SPOCK3: variants seen among roughly 807,000 people sequenced by gnomAD.
The protein encoded by SPOCK3 is testican-3.
SPOCK3 carries 30 observed loss-of-function variants against 56.6 expected under a neutral mutation model. The ratio of observed to expected loss-of-function variants is 0.53; its 90% CI spans 0.40 to 0.72. The LOEUF (loss-of-function observed/expected upper bound fraction) is 0.72. Among genes scored for constraint, SPOCK3 ranks in the 30% least tolerant of loss-of-function variants. The probability of loss-of-function intolerance (pLI) is 0.00; values close to 1 mark genes in which losing one functional copy is unlikely to be tolerated. For synonymous variants in SPOCK3, 196 were observed against 183.3 expected (o/e 1.07, Z -0.56); for missense variants, 527 against 530.0 (o/e 0.99, Z 0.06).
chr4:166,933,796 ATT>A (rs1740065839), intron 4 of SPOCK3, among the ~76,000 whole-genome samples: 1 of 152,146 alleles, frequency 6.6e-6, no homozygotes, highest in Non-Finnish European at 1.5e-5. Context: ...GCTTACTACC[ATT>A]ATAAAATTCT....
rs369682155 is a variant in SPOCK3 at position 167,073,209 on chromosome 4, A to G, written c.190-10672T>C. Reference sequence around the variant, plus strand: ...TTTTAAATCATCTATAATGCTAAATATTGAATATAGTTTATAAGACTGTTT... The same window carrying G: ...TTTTAAATCATCTATAATGCTAAATGTTGAATATAGTTTATAAGACTGTTT... On this transcript the variant is annotated intron_variant, in intron 2 of 10. Coordinates refer to ENST00000357545, the MANE Select transcript of SPOCK3 (RefSeq NM_001040159.2). 1.0e-3 allele frequency among the ~76,000 whole-genome samples: 158 copies of G among 151,866 alleles called. 3 individuals carry two copies. In the South Asian group the frequency reaches 0.032, roughly 31 times the overall value.
At chr4:167,036,250 GAA>G (rs1752741568) in intron 3 of SPOCK3, among the ~76,000 whole-genome samples, 1 of 152,090 alleles carries the variant, frequency 6.6e-6, no homozygotes, top group Admixed American at 6.6e-5. Flanking sequence ...TGGATATTTA[GAA>G]CTGATCATTT....
At chr4:166,891,442 T>C (rs759289672) in intron 5 of SPOCK3, among the ~76,000 whole-genome samples, 3 of 152,140 alleles carry the variant, frequency 2.0e-5, no homozygotes, top group African/African-American at 4.8e-5. Context: ...AATGGACAGT[T>C]GAAATTCTTA....
chr4:167,042,850 G>A (rs1561152601), intron 3 of SPOCK3, among the ~76,000 whole-genome samples: 7 of 152,100 alleles, frequency 4.6e-5, no homozygotes, highest in Admixed American at 4.6e-4. Context: ...GGTCAAGTAA[G>A]TCATGCCAAT....
chr4:167,107,322 C>T (rs556607772), intron 2 of SPOCK3, among the ~76,000 whole-genome samples: 1 of 151,716 alleles, frequency 6.6e-6, no homozygotes, highest in Non-Finnish European at 1.5e-5. Flanking sequence ...GTGGGATTTA[C>T]CCCAGTGATA....
chr4:166,797,307 C>CT (rs201922172), intron 6 of SPOCK3, among the ~76,000 whole-genome samples: 550 of 53,216 alleles, frequency 0.01, 5 homozygotes, highest in East Asian at 0.061. Flanking sequence ...TTCTAAGTGG[C>CT]TTTTTTTTTT....
At chr4:166,845,069 G>T (rs1747914830) in intron 6 of SPOCK3, among the ~76,000 whole-genome samples, 1 of 152,152 alleles carries the variant, frequency 6.6e-6, no homozygotes, top group Admixed American at 6.5e-5. Flanking sequence ...GATTGAATTT[G>T]CTATAATCTA....
chr4:167,109,957 G>A (rs1760759642), intron 2 of SPOCK3, among the ~76,000 whole-genome samples: 1 of 151,720 alleles, frequency 6.6e-6, no homozygotes, highest in African/African-American at 2.4e-5. Flanking sequence ...TTACTTTCTA[G>A]CCTTACTAGC....
chr4:167,229,262 A>G, intron 2 of SPOCK3, among the ~76,000 whole-genome samples: 1 of 152,186 alleles, frequency 6.6e-6, no homozygotes, highest in East Asian at 1.9e-4. Context: ...TGAAAAGTAT[A>G]ATAGCACAAC....
At chr4:166,795,650 A>C (rs1478448654) in intron 6 of SPOCK3, among the ~76,000 whole-genome samples, 1 of 151,582 alleles carries the variant, frequency 6.6e-6, no homozygotes, top group Non-Finnish European at 1.5e-5. Context: ...GATAAATATA[A>C]AATTTAAATA....
At position 166,825,335 on chromosome 4, in the gene SPOCK3, T is replaced by G. The variant is rs537829148; in HGVS notation, c.590-33046A>C. Among the ~76,000 whole-genome samples, 67 of 152,150 alleles carry G rather than the reference T, an allele frequency of 4.4e-4. No individual in the cohort carries two copies. The South Asian group carries it at 0.013, about 31-fold the overall frequency. On this transcript the variant is annotated intron_variant, in intron 6 of 10. Transcript: ENST00000357545. ...ACAATAATATCCTGTTATTGTATAGTTAAGTTATTTTACTGCAAATCTTAT... is the reference window on the plus strand; with the variant it reads ...ACAATAATATCCTGTTATTGTATAGGTAAGTTATTTTACTGCAAATCTTAT...
chr4:166,806,947 TAAC>T (rs1743221919), intron 6 of SPOCK3, among the ~76,000 whole-genome samples: 2 of 152,026 alleles, frequency 1.3e-5, no homozygotes, highest in Admixed American at 6.6e-5. Flanking sequence ...AGTAAGAGAT[TAAC>T]AACAATAACT....
intron 6 of SPOCK3, among the ~76,000 whole-genome samples, chr4:166,843,411 G>T (rs1747709535): frequency 6.6e-6 from 1 of 152,224 alleles, no homozygotes; most frequent in Non-Finnish European, 1.5e-5. Context: ...TCTCTAATCA[G>T]CTGACTGTGA....
chr4:166,955,542 T>A (rs10030093), intron 4 of SPOCK3, among the ~76,000 whole-genome samples: 1,561 of 107,014 alleles, frequency 0.015, 30 homozygotes, highest in African/African-American at 0.074. Context: ...AATTTAATAT[T>A]ATTAAATTAT....
chr4:167,123,486 A>C (rs1295454725), intron 2 of SPOCK3, among the ~76,000 whole-genome samples: 1 of 151,438 alleles, frequency 6.6e-6, no homozygotes, highest in African/African-American at 2.4e-5. Context: ...AAATGTGTAG[A>C]TCTGCAGCGA....
intron 2 of SPOCK3, among the ~76,000 whole-genome samples, chr4:167,064,300 T>C (rs893908792): frequency 1.3e-5 from 2 of 151,776 alleles, no homozygotes; most frequent in Non-Finnish European, 2.9e-5. Context: ...GGGCAAATTA[T>C]AGCAATCTAT....
chr4:166,960,375 C>T lies in SPOCK3; in HGVS notation c.350+39974G>A, dbSNP rs1025151145. On this transcript the variant is annotated intron_variant, in intron 4 of 10. Coordinates refer to ENST00000357545, the MANE Select transcript of SPOCK3 (RefSeq NM_001040159.2). ...TGAAATATAGAAGAAGGAGAAATAA[C>T]TTTAGGTGGGGAACATCATAAAAAA... Among the ~76,000 whole-genome samples the T allele has an allele frequency of 5.3e-5, 8 of 152,198 alleles. No individual in the cohort carries two copies. In the East Asian group the frequency reaches 1.5e-3, roughly 29 times the overall value.
intron 2 of SPOCK3, among the ~76,000 whole-genome samples, chr4:167,199,576 A>AC (rs1477674194): frequency 6.6e-6 from 1 of 151,660 alleles, no homozygotes; most frequent in Non-Finnish European, 1.5e-5. Flanking sequence ...TTCTTCCTCT[A>AC]CTCAGTTCTC....
chr4:166,839,379 G>C (rs1314401721), intron 6 of SPOCK3, among the ~76,000 whole-genome samples: 1 of 152,066 alleles, frequency 6.6e-6, no homozygotes, highest in Admixed American at 6.5e-5. Context: ...AGGAAGAAGG[G>C]GTCTCATTAC....
Sources: gnomAD v4.1 joint callset for allele counts (sites outside exome capture counted in the v4.1 genomes callset) on GRCh38, gnomAD v4.1.1 for gene constraint, MANE v1.5 for transcripts, NCBI Gene and HGNC (gene_info 2026-07-23, HGNC 2026-07-21) for gene names.